The following EXOC4 variants were observed in gnomAD, a reference collection of about 807,000 sequenced individuals.
EXOC4 encodes the protein SEC8-like 1.
A neutral mutation model predicts 107.2 loss-of-function variants in EXOC4; 71 were observed. That is an observed-to-expected ratio of 0.66 (90% CI 0.55 to 0.81). The LOEUF (loss-of-function observed/expected upper bound fraction) is 0.81. EXOC4 is among the 30% of genes least tolerant of loss of function. The pLI is 0.00. For synonymous variants in EXOC4, 456 were observed against 441.2 expected (o/e 1.03, Z -0.42); for missense variants, 1,108 against 1,189.6 (o/e 0.93, Z 1.01).
At chr7:133,999,810 C>T (rs1298650431) in intron 15 of EXOC4, among the ~76,000 whole-genome samples, 1 of 152,102 alleles carries the variant, frequency 6.6e-6, no homozygotes, top group Non-Finnish European at 1.5e-5. Flanking sequence ...ATTTGCAACA[C>T]ATTTGAATAA....
chr7:133,549,131 G>A (rs1288047069), intron 9 of EXOC4, among the ~76,000 whole-genome samples: 2 of 152,176 alleles, frequency 1.3e-5, no homozygotes, highest in African/African-American at 4.8e-5. Context: ...AGCCTCCTGA[G>A]TAGCTGAGAT....
chr7:133,564,345 A>T (rs1800865797), intron 9 of EXOC4, among the ~76,000 whole-genome samples: 1 of 152,012 alleles, frequency 6.6e-6, no homozygotes, highest in East Asian at 1.9e-4. Flanking sequence ...ATGAGAACTC[A>T]CTCACTATCA....
chr7:133,790,776 C>T (rs778357976), intron 10 of EXOC4, among the ~76,000 whole-genome samples: 63 of 152,290 alleles, frequency 4.1e-4, no homozygotes, highest in African/African-American at 1.3e-3. Context: ...TCATGCTGCA[C>T]GCAGCTGGGG....
chr7:133,870,248 C>A (rs1798724388), intron 11 of EXOC4, among the ~76,000 whole-genome samples: 1 of 152,150 alleles, frequency 6.6e-6, no homozygotes, highest in South Asian at 2.1e-4. Flanking sequence ...ACACATCTCC[C>A]TACCTCCATT....
intron 9 of EXOC4, among the ~76,000 whole-genome samples, chr7:133,508,792 A>G (rs1799712799): frequency 6.6e-6 from 1 of 152,206 alleles, no homozygotes; most frequent in East Asian, 1.9e-4. Context: ...TGTTACTCCA[A>G]TAGAGATTTC....
the EXOC4 span, among the ~76,000 whole-genome samples, chr7:134,084,727 A>AG: frequency 1.5e-4 from 22 of 145,114 alleles, no homozygotes; most frequent in Admixed American, 7.5e-4. Flanking sequence ...AAAAAAAAAA[A>AG]AAATTCACCA....
chr7:133,397,383 G>A (rs950867358), intron 7 of EXOC4, among the ~76,000 whole-genome samples: 3 of 151,256 alleles, frequency 2.0e-5, no homozygotes, highest in Admixed American at 2.0e-4. Context: ...GTCTGCCTGC[G>A]TCGGCCTCCC....
chr7:133,932,808 G>A (rs192241102), intron 13 of EXOC4, among the ~76,000 whole-genome samples: 2 of 152,226 alleles, frequency 1.3e-5, no homozygotes, highest in African/African-American at 4.8e-5. Flanking sequence ...TATTACAGGG[G>A]AACTGACTTT....
chr7:133,508,408 A>G (rs894216718), intron 9 of EXOC4, among the ~76,000 whole-genome samples: 1 of 152,194 alleles, frequency 6.6e-6, no homozygotes, highest in Admixed American at 6.5e-5. Flanking sequence ...TTTGAGAACC[A>G]CTACTCTAAA....
At chr7:133,464,806 GGTTGGTTTTT>G (rs1563075885) in intron 7 of EXOC4, among the ~76,000 whole-genome samples, 37 of 27,148 alleles carry the variant, frequency 1.4e-3, no homozygotes, top group Non-Finnish European at 2.0e-3. Flanking sequence ...TTGTTGGTTG[GGTTGGTTTTT>G]TTTTTTTTTT....
intron 14 of EXOC4, among the ~76,000 whole-genome samples, chr7:133,951,587 C>G (rs1323863667): frequency 6.6e-6 from 1 of 152,214 alleles, no homozygotes; most frequent in East Asian, 1.9e-4. Flanking sequence ...TCCCCCTACT[C>G]CTGTCCTTCC....
intron 9 of EXOC4, among the ~76,000 whole-genome samples, chr7:133,548,163 A>C (rs967583036): frequency 2.0e-5 from 3 of 152,000 alleles, no homozygotes; most frequent in Non-Finnish European, 4.4e-5. Flanking sequence ...TGTTTACAGC[A>C]TCTTCACCAG....
At chr7:133,774,332 G>A (rs1453623797) in intron 10 of EXOC4, among the ~76,000 whole-genome samples, 3 of 152,018 alleles carry the variant, frequency 2.0e-5, no homozygotes, top group East Asian at 3.9e-4. Flanking sequence ...GACTCTTAGT[G>A]TTTGTAAAGG....
intron 6 of EXOC4, among the ~76,000 whole-genome samples, chr7:133,370,052 G>A (rs1312727624): frequency 1.3e-5 from 2 of 151,846 alleles, no homozygotes; most frequent in East Asian, 1.9e-4. Flanking sequence ...TCGGCCTCCC[G>A]AAGTGCTGGG....
At position 133,311,896 on chromosome 7, in the gene EXOC4, G is replaced by GT. The variant is rs200063560; in HGVS notation, c.657-5382dup. Among the ~76,000 whole-genome samples, 1,089 of 152,190 alleles carry GT rather than the reference G, an allele frequency of 7.2e-3. 14 individuals carry two copies. The highest frequency in any genetic ancestry group is 0.025 in the African/African-American group (1,032 of 41,504). ...ATACACATTTGAAAAATTAAATGCA[G>GT]TTTTTTGTTCATAAGATGATCAAAA... On this transcript the variant is annotated intron_variant, in intron 4 of 17. Transcript: ENST00000253861.
At chr7:133,910,954 C>T (rs889362904) in intron 12 of EXOC4, among the ~76,000 whole-genome samples, 23 of 152,330 alleles carry the variant, frequency 1.5e-4, no homozygotes, top group Admixed American at 7.2e-4. Context: ...CACACTCGCA[C>T]TTCCCAACTG....
chr7:134,085,877 A>G, the EXOC4 span, among the ~76,000 whole-genome samples: 1 of 152,174 alleles, frequency 6.6e-6, no homozygotes, highest in African/African-American at 2.4e-5. Context: ...GGCTTTGAAA[A>G]AGCTCCAACA....
chr7:133,375,063 A>G, intron 7 of EXOC4, 61 bp downstream of exon 7: 4 of 1,356,658 alleles, frequency 2.9e-6, no homozygotes, highest in African/African-American at 1.4e-5. Context: ...AATAACAACA[A>G]CAACAGCAAC....
Position 133,716,127 on chromosome 7 carries a change from T to C in EXOC4, c.1514+85986T>C, listed in dbSNP as rs555721992. 2.1e-3 allele frequency among the ~76,000 whole-genome samples: 324 copies of C among 152,358 alleles called. 1 individual carries two copies. Among genetic ancestry groups the C allele is most frequent in the Middle Eastern group, 6.8e-3 (2 of 294 alleles). On this transcript the variant is annotated intron_variant, in intron 10 of 17. Transcript: ENST00000253861. ...CAACACTACATTCAAAAAGGTTTAT[T>C]CTAGCATGATACTTAAGTATTCTTT...
Sources: gnomAD v4.1 joint callset for allele counts (sites outside exome capture counted in the v4.1 genomes callset) on GRCh38, gnomAD v4.1.1 for gene constraint, MANE v1.5 for transcripts, NCBI Gene and HGNC (gene_info 2026-07-23, HGNC 2026-07-21) for gene names.